The following SPDYA variants were observed in gnomAD, a reference collection of about 807,000 sequenced individuals.
SPDYA encodes the protein speedy/RINGO cell cycle regulator family member A.
In SPDYA, 11 loss-of-function variants were observed where a neutral mutation model predicts 36.7. The observed-to-expected ratio is 0.30, with a 90% confidence interval of 0.19 to 0.50. SPDYA has a LOEUF of 0.50. Among genes scored for constraint, SPDYA ranks in the 20% least tolerant of loss-of-function variants. SPDYA has a pLI of 0.98. For missense variants in SPDYA, 287 were observed against 370.9 expected (o/e 0.77, Z 1.86); for synonymous variants, 115 against 118.7 (o/e 0.97, Z 0.20).
chr2:28,850,101 T>G lies in SPDYA; in HGVS notation c.*160T>G. ...GTATAAGTTATATAAGTCATAGTAA[T>G]AGCTAAAAATGCCAATCTATGGAAG... On this transcript the variant is annotated 3_prime_UTR_variant, in exon 8 of 8. Coordinates refer to ENST00000334056, the MANE Select transcript of SPDYA (RefSeq NM_182756.4). 1 of 1,238,236 alleles carries G rather than the reference T, an allele frequency of 8.1e-7. No homozygotes were observed. Among genetic ancestry groups the G allele is most frequent in the Non-Finnish European group, 1.2e-6 (1 of 864,028 alleles). 76.7% of individuals were successfully genotyped at this position (1,238,236 alleles called of 1,614,324 possible). A position where few individuals can be genotyped will look rare whatever the true frequency, so the allele number is the denominator to read the frequency against.
In SPDYA at chr2:28,819,850, ATATATATATATATATATATATATAT is replaced by A. The variant is rs1356598025; in HGVS notation, c.294+745_294+769del. Among the ~76,000 whole-genome samples, 40 of 6,892 alleles carry A rather than the reference ATATATATATATATATATATATATAT, an allele frequency of 5.8e-3. 2 individuals are homozygous for A. The highest frequency in any genetic ancestry group is 6.9e-3 in the Non-Finnish European group (30 of 4,348). 4.5% of individuals were successfully genotyped at this position (6,892 alleles called of 152,430 possible). A position where few individuals can be genotyped will look rare whatever the true frequency, so the allele number is the denominator to read the frequency against. On this transcript the variant is annotated intron_variant, in intron 4 of 7. Transcript: ENST00000334056. ...AAAAAAAAAAAAAAAAAAAAAAAAA[ATATATATATATATATATATATATAT>A]ATATATATATATATATATATATATA... is the stretch of plus-strand genomic sequence containing the variant.
At chr2:28,820,389 C>A (rs1668127135) in intron 4 of SPDYA, among the ~76,000 whole-genome samples, 1 of 151,934 alleles carries the variant, frequency 6.6e-6, no homozygotes, top group African/African-American at 2.4e-5. Context: ...AGTTCAAGAC[C>A]AGCCTGGCCA....
chr2:28,823,346 G>C (rs1378541908), intron 5 of SPDYA, among the ~76,000 whole-genome samples: 1 of 152,094 alleles, frequency 6.6e-6, no homozygotes, highest in African/African-American at 2.4e-5. Flanking sequence ...TTTCTGGCCA[G>C]GCACGGTGGC....
rs564642564 is a variant in SPDYA, at chr2:28,821,141, A to T, written c.295-1184A>T. On this transcript the variant is annotated intron_variant, in intron 4 of 7. Transcript: ENST00000334056. Reference sequence around the variant, plus strand: ...CTTTTAAAATTAACAGTAATGCTGTAATATCAAATATACAATTCATGTGGA... The same window carrying T: ...CTTTTAAAATTAACAGTAATGCTGTTATATCAAATATACAATTCATGTGGA... Among the ~76,000 whole-genome samples the T allele has an allele frequency of 3.9e-5, 6 of 151,944 alleles. No homozygotes were observed. In the East Asian group the frequency reaches 1.2e-3, roughly 29 times the overall value.
rs1471901054 is a variant in SPDYA, at chr2:28,811,606, A to G, written c.-93+659A>G. Among the ~76,000 whole-genome samples the G allele has an allele frequency of 6.6e-6, 1 of 151,992 alleles. No homozygotes were observed. The highest frequency in any genetic ancestry group is 2.4e-5 in the African/African-American group (1 of 41,352). On this transcript the variant is annotated intron_variant, in intron 1 of 7. Transcript: ENST00000334056. This position sits in a 1 kb window ranked among gnomAD's most constrained non-coding sequence, Gnocchi z 4.2. ...TTATGCCGAGTTGGGCGAATCCTTG[A>G]GGCCAGGATTCGAGAGCAGCCCACA...
In SPDYA at chr2:28,850,142, T is replaced by C; in HGVS notation, c.*201T>C. On this transcript the variant is annotated 3_prime_UTR_variant, in exon 8 of 8. Transcript: ENST00000334056. Reference sequence around the variant, plus strand: ...TCTATGGAAGCAGTGATTTTCAATATAAAGTTCTATTTTGATATTTTTCCA... The same window carrying C: ...TCTATGGAAGCAGTGATTTTCAATACAAAGTTCTATTTTGATATTTTTCCA... 1.3e-6 allele frequency: 2 copies of C among 1,488,256 alleles called. No homozygotes were observed. Among genetic ancestry groups the C allele is most frequent in the Non-Finnish European group, 9.3e-7 (1 of 1,079,156 alleles). 92.2% of individuals were successfully genotyped at this position (1,488,256 alleles called of 1,614,324 possible).
At chr2:28,824,517 A>G (rs1363024598) in intron 5 of SPDYA, among the ~76,000 whole-genome samples, 2 of 142,322 alleles carry the variant, frequency 1.4e-5, no homozygotes, top group African/African-American at 5.2e-5. Flanking sequence ...GGACTAGAAG[A>G]AACTGATTTC....
At chr2:28,836,258 TTC>T (rs1260059482) in intron 6 of SPDYA, among the ~76,000 whole-genome samples, 1 of 152,212 alleles carries the variant, frequency 6.6e-6, no homozygotes, top group Non-Finnish European at 1.5e-5. Context: ...CTTCCTAGTG[TTC>T]TCTTTTTTCT....
At chr2:28,839,330 A>C (rs755900982) in intron 6 of SPDYA, among the ~76,000 whole-genome samples, 12 of 152,136 alleles carry the variant, frequency 7.9e-5, no homozygotes, top group Non-Finnish European at 1.5e-4. Context: ...GCCTCATCTG[A>C]TCCTCGCAGC....
At chr2:28,813,525 T>C (rs1667904388) in intron 1 of SPDYA, among the ~76,000 whole-genome samples, 1 of 151,998 alleles carries the variant, frequency 6.6e-6, no homozygotes, top group African/African-American at 2.4e-5. Flanking sequence ...TTGAGAATCC[T>C]GAGTACTCTT....
At chr2:28,837,744 T>TCC (rs1668643115) in intron 6 of SPDYA, among the ~76,000 whole-genome samples, 7 of 2,168 alleles carry the variant, frequency 3.2e-3, no homozygotes, top group Admixed American at 9.9e-3. Context: ...AGTCAGTGCT[T>TCC]TTTTTTTTTT....
chr2:28,821,493 G>T (rs766241656), intron 4 of SPDYA, among the ~76,000 whole-genome samples: 1 of 152,104 alleles, frequency 6.6e-6, no homozygotes. Flanking sequence ...GAGCCACTGC[G>T]CCCGTCAGGA....
chr2:28,818,458 A>AAAAGAG (rs1311398775), intron 3 of SPDYA, among the ~76,000 whole-genome samples: 1 of 149,706 alleles, frequency 6.7e-6, no homozygotes, highest in Non-Finnish European at 1.5e-5. Flanking sequence ...AAAAAAAAAA[A>AAAAGAG]AAAGAGAAAG....
rs1413868065 is a variant in SPDYA, at chr2:28,819,348, A to C, written c.294+242A>C. Among the ~76,000 whole-genome samples, 8 of 152,122 alleles carry C rather than the reference A, an allele frequency of 5.3e-5. No homozygotes were observed. In the East Asian group the frequency reaches 9.7e-4, roughly 18 times the overall value. On this transcript the variant is annotated intron_variant, in intron 4 of 7. Transcript: ENST00000334056. ...ACATAGTGAGACCCCCATCTCTAAA[A>C]AATTTAAAAATTAGCCAAGTGTGGT...
At chr2:28,845,114 C>T (rs1445908457) in intron 7 of SPDYA, among the ~76,000 whole-genome samples, 1 of 151,996 alleles carries the variant, frequency 6.6e-6, no homozygotes, top group African/African-American at 2.4e-5. Context: ...CAGCCAGGAT[C>T]TTGCTCTGTC....
chr2:28,825,593 C>G (rs1158501851), intron 5 of SPDYA, among the ~76,000 whole-genome samples: 1 of 152,156 alleles, frequency 6.6e-6, no homozygotes, highest in African/African-American at 2.4e-5. Flanking sequence ...TTATAAGACT[C>G]TGAACTTCTA....
At chr2:28,834,174 A>C (rs1021167714) in intron 6 of SPDYA, among the ~76,000 whole-genome samples, 1 of 152,110 alleles carries the variant, frequency 6.6e-6, no homozygotes, top group Admixed American at 6.6e-5. Context: ...GCACGATGAG[A>C]TATTACTTCA....
chr2:28,819,849 A>AAT (rs200009876), intron 4 of SPDYA, among the ~76,000 whole-genome samples: 41 of 17,800 alleles, frequency 2.3e-3, no homozygotes, highest in African/African-American at 6.0e-3. Flanking sequence ...AAAAAAAAAA[A>AAT]ATATATATAT....
intron 6 of SPDYA, among the ~76,000 whole-genome samples, chr2:28,839,069 G>T (rs923044774): frequency 2.6e-5 from 4 of 152,168 alleles, no homozygotes; most frequent in Admixed American, 6.6e-5. Flanking sequence ...ATTGTCATTT[G>T]CCAGATCCTC....
Sources: gnomAD v4.1 joint callset for allele counts (sites outside exome capture counted in the v4.1 genomes callset) on GRCh38, gnomAD v4.1.1 for gene constraint, Gnocchi (gnomAD v3.1) non-coding constraint, MANE v1.5 for transcripts, NCBI Gene and HGNC (gene_info 2026-07-23, HGNC 2026-07-21) for gene names.